The following SLC36A3 variants were observed in gnomAD, a reference collection of about 807,000 sequenced individuals.
SLC36A3 encodes the protein solute carrier family 36 member 3.
SLC36A3 carries 35 observed loss-of-function variants against 44.3 expected under a neutral mutation model. That is an observed-to-expected ratio of 0.79 (90% CI 0.60 to 1.05). The LOEUF (loss-of-function observed/expected upper bound fraction) is 1.05, where lower values mean the gene tolerates loss of function less well. Among genes scored for constraint, SLC36A3 ranks in the 50% least tolerant of loss-of-function variants. SLC36A3 has a pLI of 0.00. For missense variants in SLC36A3, 540 were observed against 578.7 expected (o/e 0.93, Z 0.69); for synonymous variants, 211 against 227.6 (o/e 0.93, Z 0.66).
Position 151,296,259 on chromosome 5 carries a change from C to G in SLC36A3, c.229G>C (p.Val77Leu). Reference protein sequence around the residue: ...IKNAGLLVGPVSLLAIGVLTV... With the variant: ...IKNAGLLVGPLSLLAIGVLTV... The stretch of plus-strand genomic sequence containing the variant: ...AGGACCCCGATGGCCAGAAGGCTGA[C>G]AGGACCGACCTGGAGGGGAGAGGAG... Residue 77 changes from valine to leucine, a missense_variant, in exon 3 of 10, where the codon GTC becomes CTC. Val to Leu is a conservative substitution (Grantham distance 32). Transcript: ENST00000335230. The G allele has an allele frequency of 6.2e-7, 1 of 1,614,086 alleles. No homozygotes were observed. The highest frequency in any genetic ancestry group is 8.5e-7 in the Non-Finnish European group (1 of 1,179,998).
chr5:151,277,745 C>T lies in SLC36A3; in HGVS notation c.1145-84G>A, dbSNP rs948139051. The stretch of plus-strand genomic sequence containing the variant: ...TGGAGCCCTAGAATTTCACAGACAC[C>T]TGAGAGACCACTTTGGAGAGGTGGG... On this transcript the variant is annotated intron_variant, in intron 9 of 9. Coordinates refer to ENST00000335230, the MANE Select transcript of SLC36A3 (RefSeq NM_181774.4). 1.2e-5 allele frequency: 18 copies of T among 1,498,436 alleles called. No individual in the cohort carries two copies. In the African/African-American group the frequency reaches 2.1e-4, roughly 17 times the overall value. 92.8% of individuals were successfully genotyped at this position (1,498,436 alleles called of 1,614,324 possible). A position where few individuals can be genotyped will look rare whatever the true frequency, so the allele number is the denominator to read the frequency against.
At chr5:151,295,997 G>A (rs982397566) in intron 3 of SLC36A3, among the ~76,000 whole-genome samples, 183 bp downstream of exon 3, 1 of 152,220 alleles carries the variant, frequency 6.6e-6, no homozygotes, top group East Asian at 1.9e-4. Flanking sequence ...AGCAGCGTTG[G>A]ATCTGTGCCT....
At chr5:151,289,369 G>A (rs1754672858) in intron 4 of SLC36A3, among the ~76,000 whole-genome samples, 1 of 151,800 alleles carries the variant, frequency 6.6e-6, no homozygotes, top group Non-Finnish European at 1.5e-5. Context: ...ATGAAGGTTT[G>A]TATATTGCAT....
At chr5:151,299,502 G>A (rs1755101675) in intron 1 of SLC36A3, among the ~76,000 whole-genome samples, 1 of 151,688 alleles carries the variant, frequency 6.6e-6, no homozygotes, top group African/African-American at 2.4e-5. Flanking sequence ...GTCCCAGCAG[G>A]GTGCTAGGGC....
At chr5:151,295,348 C>T (rs1325277359) in intron 3 of SLC36A3, among the ~76,000 whole-genome samples, 6 of 152,146 alleles carry the variant, frequency 3.9e-5, no homozygotes, top group Non-Finnish European at 4.4e-5. Context: ...GCTCTTGGCA[C>T]GATAACCGCA....
At chr5:151,279,142 T>C (rs1754216207) in intron 9 of SLC36A3, among the ~76,000 whole-genome samples, 1 of 151,546 alleles carries the variant, frequency 6.6e-6, no homozygotes, top group South Asian at 2.1e-4. Flanking sequence ...CTCCGTCTAT[T>C]TGCTACTTAT....
chr5:151,288,210 G>A (rs246499), intron 5 of SLC36A3, among the ~76,000 whole-genome samples, 176 bp downstream of exon 5: 106,486 of 152,118 alleles, frequency 0.7, 39,118 homozygotes, highest in East Asian at 0.98. Context: ...ACTTTAGCTC[G>A]TCTATCCTTT....
intron 2 of SLC36A3, 189 bp downstream of exon 2, chr5:151,298,404 G>T (rs1755033031): frequency 3.4e-6 from 2 of 589,228 alleles, no homozygotes; most frequent in African/African-American, 1.9e-5. Flanking sequence ...AAGAGTAATG[G>T]TGTGCCCCCT....
intron 5 of SLC36A3, among the ~76,000 whole-genome samples, chr5:151,288,137 T>C (rs949455495): frequency 1.3e-5 from 2 of 152,222 alleles, no homozygotes; most frequent in African/African-American, 4.8e-5. Flanking sequence ...CAATTATCAT[T>C]GATTTCTGAC....
chr5:151,294,633 T>G lies in SLC36A3; in HGVS notation c.309-1174A>C, dbSNP rs180953227. Among the ~76,000 whole-genome samples the G allele has an allele frequency of 1.9e-3, 286 of 148,222 alleles. 3 individuals are homozygous for G. In the East Asian group the frequency reaches 0.035, roughly 18 times the overall value. ...CAATTCACATTTTGTGAATGTGAATTTTTTTTTTTTTTGAGACAGAGTTTT... is the reference window on the plus strand; with the variant it reads ...CAATTCACATTTTGTGAATGTGAATGTTTTTTTTTTTTGAGACAGAGTTTT... On this transcript the variant is annotated intron_variant, in intron 3 of 9. Coordinates refer to ENST00000335230, the MANE Select transcript of SLC36A3 (RefSeq NM_181774.4).
chr5:151,295,641 T>G (rs1292059368), intron 3 of SLC36A3, among the ~76,000 whole-genome samples: 1 of 152,258 alleles, frequency 6.6e-6, no homozygotes, highest in African/African-American at 2.4e-5. Context: ...ATTTGTCTTT[T>G]CTTTCTGAAA....
In SLC36A3 at chr5:151,299,225, G is replaced by GCT. The variant is rs61382152; in HGVS notation, c.129-544_129-543dup. Among the ~76,000 whole-genome samples, 867 of 92,290 alleles carry GCT rather than the reference G, an allele frequency of 9.4e-3. 4 individuals are homozygous for GCT. The highest frequency in any genetic ancestry group is 0.024 in the Middle Eastern group (4 of 164). 60.5% of individuals were successfully genotyped at this position (92,290 alleles called of 152,430 possible). A position where few individuals can be genotyped will look rare whatever the true frequency, so the allele number is the denominator to read the frequency against. On this transcript the variant is annotated intron_variant, in intron 1 of 9. Transcript: ENST00000335230. Reference sequence around the variant, plus strand: ...CATTGTGAATATGAATTGCTTGTGCGCTCTCTCTCTCTCTCTCTCTCTCTC... The same window carrying GCT: ...CATTGTGAATATGAATTGCTTGTGCGCTCTCTCTCTCTCTCTCTCTCTCTCTC...
At position 151,298,616 on chromosome 5, in the gene SLC36A3, C is replaced by G; in HGVS notation, c.196G>C (p.Ala66Pro). ...ACCAACAAGCCGGCATTCTTTATGG[C>G]CAGGGGAAGCCCCAGGAGCCCTGTG... ...IGTGLLGLPL[A>P]IKNAGLLVGP... Residue 66 changes from alanine to proline, a missense_variant, in exon 2 of 10, where the codon GCC becomes CCC. Transcript: ENST00000335230. 2 of 1,614,150 alleles carry G rather than the reference C, an allele frequency of 1.2e-6. No individual in the cohort carries two copies. The highest frequency in any genetic ancestry group is 8.5e-7 in the Non-Finnish European group (1 of 1,180,000).
chr5:151,284,777 TG>T, intron 6 of SLC36A3, 66 bp from the exon 7 acceptor site: 1 of 1,304,838 alleles, frequency 7.7e-7, no homozygotes, highest in Non-Finnish European at 1.1e-6. Context: ...AATCTTTGCC[TG>T]GTAGAAAGCT....
In SLC36A3 at chr5:151,284,041, T is replaced by C; in HGVS notation, c.974+3A>G. ...TATCTCACCTGAGGTGGGCAGGACATACCAGCAATTGGGCAAGTTGAGGGT... is the reference window on the plus strand; with the variant it reads ...TATCTCACCTGAGGTGGGCAGGACACACCAGCAATTGGGCAAGTTGAGGGT... On this transcript the variant is annotated splice_donor_region_variant and intron_variant, in intron 8 of 9. Coordinates refer to ENST00000335230, the MANE Select transcript of SLC36A3 (RefSeq NM_181774.4). 2 of 1,609,660 alleles carry C rather than the reference T, an allele frequency of 1.2e-6. No homozygotes were observed. Among genetic ancestry groups the C allele is most frequent in the Non-Finnish European group, 1.7e-6 (2 of 1,178,154 alleles).
intron 1 of SLC36A3, 34 bp downstream of exon 1, chr5:151,303,193 A>AC (rs768038000): frequency 1.9e-6 from 3 of 1,594,810 alleles, no homozygotes; most frequent in Non-Finnish European, 2.6e-6. Flanking sequence ...GCAGTGCTTG[A>AC]CCTCAGGCCT....
At position 151,303,365 on chromosome 5, in the gene SLC36A3, G is replaced by C. The variant is rs1371132127; in HGVS notation, c.-11C>G. ...TCCAAGCAATGACATCTTCAACACG[G>C]TGGGTAGGTGGCAGAGGCTCAGGGT... is the stretch of plus-strand genomic sequence containing the variant. On this transcript the variant is annotated 5_prime_UTR_variant, in exon 1 of 10. Transcript: ENST00000335230. 1 of 1,610,812 alleles carries C rather than the reference G, an allele frequency of 6.2e-7. No homozygotes were observed. The highest frequency in any genetic ancestry group is 8.5e-7 in the Non-Finnish European group (1 of 1,177,798).
intron 4 of SLC36A3, among the ~76,000 whole-genome samples, chr5:151,289,995 T>C (rs1465115913): frequency 6.6e-6 from 1 of 152,244 alleles, no homozygotes; most frequent in Non-Finnish European, 1.5e-5. Flanking sequence ...GGTGGTTTTC[T>C]AAGTCTATGT....
At chr5:151,280,542 A>G (rs1294534857) in intron 9 of SLC36A3, among the ~76,000 whole-genome samples, 1 of 152,232 alleles carries the variant, frequency 6.6e-6, no homozygotes, top group East Asian at 1.9e-4. Flanking sequence ...TTTATGATAC[A>G]GGACTTGTTC....
Sources: gnomAD v4.1 joint callset for allele counts (sites outside exome capture counted in the v4.1 genomes callset) on GRCh38, gnomAD v4.1.1 for gene constraint, MANE v1.5 for transcripts, NCBI Gene and HGNC (gene_info 2026-07-23, HGNC 2026-07-21) for gene names.